SLC22A24: variants seen among roughly 807,000 people sequenced by gnomAD.
SLC22A24 encodes steroid transmembrane transporter SLC22A24.
In SLC22A24, 53 loss-of-function variants were observed where a neutral mutation model predicts 49.8. That is an observed-to-expected ratio of 1.06 (90% CI 0.85 to 1.34). The LOEUF is 1.34. SLC22A24 is among the 40% of genes most tolerant of loss of function. SLC22A24 has a pLI of 0.00. For synonymous variants in SLC22A24, 302 were observed against 256.4 expected (o/e 1.18, Z -1.70); for missense variants, 786 against 675.9 (o/e 1.16, Z -1.81).
intron 2 of SLC22A24, among the ~76,000 whole-genome samples, chr11:63,127,964 GT>G (rs1464004320): frequency 1.3e-5 from 2 of 151,888 alleles, no homozygotes; most frequent in Non-Finnish European, 2.9e-5. Context: ...AAGCTCTTTA[GT>G]TTAATTAGTG....
Position 63,081,116 on chromosome 11 carries a change from C to G in SLC22A24, c.1402G>C (p.Val468Leu), listed in dbSNP as rs985388467. ...ELVPTILRST[V>L]AGINAVSGRT... ...CCGGACACTGCATTGATTCCTGCAA[C>G]TGTTGACCTTAGAGTGCAAATAACA... Residue 468 changes from valine to leucine, a missense_variant, in exon 9 of 10, where the codon GTT (valine) becomes CTT (leucine). Transcript: ENST00000612278. 2 of 1,551,246 alleles carry G rather than the reference C, an allele frequency of 1.3e-6. No homozygotes were observed. The highest frequency in any genetic ancestry group is 3.9e-5 in the Admixed American group (2 of 50,970).
chr11:63,115,710 G>A (rs531816293), intron 4 of SLC22A24, among the ~76,000 whole-genome samples: 8 of 151,994 alleles, frequency 5.3e-5, no homozygotes, highest in African/African-American at 1.5e-4. Flanking sequence ...TGGAAGACCC[G>A]GTTTTGTTTT....
intron 5 of SLC22A24, among the ~76,000 whole-genome samples, chr11:63,097,658 C>T (rs1162193804): frequency 6.6e-6 from 1 of 152,086 alleles, no homozygotes; most frequent in African/African-American, 2.4e-5. Context: ...GACTTGGAAC[C>T]AACCCAAATG....
At chr11:63,117,066 A>G (rs2134664777) in intron 4 of SLC22A24, among the ~76,000 whole-genome samples, 1 of 152,322 alleles carries the variant, frequency 6.6e-6, no homozygotes, top group Non-Finnish European at 1.5e-5. Flanking sequence ...TCATAAGCCA[A>G]CATCTGGCTT....
chr11:63,082,426 C>T (rs1418229366), intron 7 of SLC22A24, among the ~76,000 whole-genome samples: 1 of 152,166 alleles, frequency 6.6e-6, no homozygotes, highest in Non-Finnish European at 1.5e-5. Flanking sequence ...AAAACTTACA[C>T]CAGCAGGAGG....
chr11:63,130,788 G>A (rs1473166099), intron 2 of SLC22A24, among the ~76,000 whole-genome samples: 1 of 152,086 alleles, frequency 6.6e-6, no homozygotes, highest in African/African-American at 2.4e-5. Flanking sequence ...TTCTCTGATG[G>A]TAGTTTGTAT....
intron 4 of SLC22A24, among the ~76,000 whole-genome samples, chr11:63,110,437 G>T (rs1477397837): frequency 6.6e-6 from 1 of 150,680 alleles, no homozygotes; most frequent in Admixed American, 6.6e-5. Context: ...ATTATCTTGG[G>T]CAGTATGGCC....
chr11:63,113,079 C>T lies in SLC22A24; in HGVS notation c.830+5833G>A, dbSNP rs186155910. Among the ~76,000 whole-genome samples the T allele has an allele frequency of 7.6e-3, 8 of 1,054 alleles. 4 individuals are homozygous for T. The highest frequency in any genetic ancestry group is 0.049 in the Non-Finnish European group (6 of 122). The allele number at this position is 1,054 out of a possible 152,430, so 0.7% of individuals were successfully genotyped here. On this transcript the variant is annotated intron_variant, in intron 4 of 9. Coordinates refer to ENST00000612278, the MANE Select transcript of SLC22A24 (RefSeq NM_001136506.2). The stretch of plus-strand genomic sequence containing the variant: ...ACATATATATATATACATATATATA[C>T]ACATATATATACATATATATATACA...
chr11:63,104,434 C>T (rs1160708153), intron 4 of SLC22A24, 136 bp from the exon 5 acceptor site: 4 of 918,144 alleles, frequency 4.4e-6, no homozygotes, highest in Non-Finnish European at 4.8e-6. Flanking sequence ...CCAAATTGGC[C>T]TCCTCTGCTG....
At chr11:63,123,168 G>A (rs1447861313) in intron 2 of SLC22A24, among the ~76,000 whole-genome samples, 2 of 152,122 alleles carry the variant, frequency 1.3e-5, no homozygotes, top group Non-Finnish European at 2.9e-5. Context: ...ATGAATGCTA[G>A]TGAAAAAAGA....
At chr11:63,120,036 AGTAGGTTGTGAAAAT>A (rs1565335040) in intron 2 of SLC22A24, among the ~76,000 whole-genome samples, 2 of 151,124 alleles carry the variant, frequency 1.3e-5, no homozygotes, top group Non-Finnish European at 2.9e-5. Flanking sequence ...TTGTCAGATG[AGTAGGTTGTGAAAAT>A]TTTCTCCGAT....
At chr11:63,119,866 A>G (rs1306225996) in intron 2 of SLC22A24, among the ~76,000 whole-genome samples, 2 of 152,206 alleles carry the variant, frequency 1.3e-5, no homozygotes, top group Non-Finnish European at 2.9e-5. Context: ...TTTCAGCTCT[A>G]TAGAAAACAG....
At chr11:63,122,271 C>T (rs1040365916) in intron 2 of SLC22A24, among the ~76,000 whole-genome samples, 1 of 152,182 alleles carries the variant, frequency 6.6e-6, no homozygotes, top group Non-Finnish European at 1.5e-5. Flanking sequence ...TAGTCTCACA[C>T]GCTCTTTCAT....
chr11:63,083,141 C>G (rs1233235038), intron 7 of SLC22A24, 102 bp downstream of exon 7: 2 of 920,584 alleles, frequency 2.2e-6, no homozygotes, highest in East Asian at 5.3e-5. Context: ...TTTTGGCTGT[C>G]AAGGGCAATG....
intron 2 of SLC22A24, among the ~76,000 whole-genome samples, chr11:63,129,457 G>A (rs117032390): frequency 0.011 from 1,631 of 152,214 alleles, 14 homozygotes; most frequent in Non-Finnish European, 0.019. Flanking sequence ...TTGGCTATGC[G>A]GTCTCTTTTT....
intron 8 of SLC22A24, 140 bp downstream of exon 8, chr11:63,081,418 T>C: frequency 1.5e-6 from 1 of 678,624 alleles, no homozygotes; most frequent in Non-Finnish European, 2.6e-6. Context: ...ATAGCACATA[T>C]ATGGCTCTCA....
intron 4 of SLC22A24, among the ~76,000 whole-genome samples, chr11:63,111,527 G>T (rs1488537950): frequency 6.0e-4 from 91 of 151,922 alleles, no homozygotes; most frequent in Middle Eastern, 3.4e-3. Context: ...CAATTTCATA[G>T]CCTGTTATTG....
intron 4 of SLC22A24, among the ~76,000 whole-genome samples, chr11:63,107,395 G>A (rs1301410134): frequency 6.6e-6 from 1 of 152,138 alleles, no homozygotes; most frequent in East Asian, 1.9e-4. Context: ...TTTTGGCTTA[G>A]GATTGTCTTG....
At chr11:63,132,203 G>T (rs756167409) in intron 2 of SLC22A24, among the ~76,000 whole-genome samples, 1 of 152,078 alleles carries the variant, frequency 6.6e-6, no homozygotes, top group African/African-American at 2.4e-5. Flanking sequence ...AAGGTTTTTA[G>T]CTTCCTTGAA....
Sources: gnomAD v4.1 joint callset for allele counts (sites outside exome capture counted in the v4.1 genomes callset) on GRCh38, gnomAD v4.1.1 for gene constraint, MANE v1.5 for transcripts, NCBI Gene and HGNC (gene_info 2026-07-23, HGNC 2026-07-21) for gene names.